The following IL2RA variants were observed in gnomAD, a reference collection of about 807,000 sequenced individuals.
IL2RA encodes the protein interleukin-2 receptor subunit alpha.
A neutral mutation model predicts 37.8 loss-of-function variants in IL2RA; 24 were observed. The observed-to-expected ratio is 0.63, with a 90% CI of 0.46 to 0.89. The LOEUF (loss-of-function observed/expected upper bound fraction) is 0.89, where lower values mean the gene tolerates loss of function less well. Among genes scored for constraint, IL2RA ranks in the 40% least tolerant of loss-of-function variants. The pLI, the probability that IL2RA is intolerant of heterozygous loss-of-function variation, is 0.00. For synonymous variants in IL2RA, 125 were observed against 114.6 expected, an observed-to-expected ratio of 1.09 and a Z score of -0.58; for missense variants, 319 against 348.6, an observed-to-expected ratio of 0.92 and a Z score of 0.68.
In IL2RA at chr10:6,012,583, T is replaced by C. The variant is rs1309423645; in HGVS notation, c.*289A>G. On this transcript the variant is annotated 3_prime_UTR_variant, in exon 8 of 8. Transcript: ENST00000379959. The surrounding 1 kb of genome is among the most constrained non-coding windows in gnomAD (Gnocchi z 4.8). ...CCATTCATGCTTTAATGAACACATA[T>C]ACATGAAAATAAGATGGAGAGTTCT... 3 of 541,226 alleles carry C rather than the reference T, an allele frequency of 5.5e-6. No individual in the cohort carries two copies. The highest frequency in any genetic ancestry group is 3.2e-5 in the East Asian group (1 of 31,100). The allele number at this position is 541,226 out of a possible 1,614,324, so 33.5% of individuals were successfully genotyped here. A position where few individuals can be genotyped will look rare whatever the true frequency, so the allele number is the denominator to read the frequency against.
At position 6,022,374 on chromosome 10, in the gene IL2RA, A is replaced by G. The variant is rs1420825475; in HGVS notation, c.368-681T>C. Among the ~76,000 whole-genome samples, 1 of 152,156 alleles carries G rather than the reference A, an allele frequency of 6.6e-6. No individual in the cohort carries two copies. Among genetic ancestry groups the G allele is most frequent in the Non-Finnish European group, 1.5e-5 (1 of 68,026 alleles). On this transcript the variant is annotated intron_variant, in intron 3 of 7. Coordinates refer to ENST00000379959, the MANE Select transcript of IL2RA (RefSeq NM_000417.3). The surrounding 1 kb of genome is among the most constrained non-coding windows in gnomAD (Gnocchi z 4.7). The stretch of plus-strand genomic sequence containing the variant: ...ATCCCCAGAACTTTCCACTCACCCA[A>G]CTACATCCCAGGCCTGACGGACCTG...
chr10:6,017,163 GA>G (rs1169041447), intron 7 of IL2RA: 1 of 152,334 alleles, frequency 6.6e-6, no homozygotes, highest in Non-Finnish European at 1.5e-5. Context: ...TGGTATTTTA[GA>G]AGACTGTCTC....
intron 1 of IL2RA, among the ~76,000 whole-genome samples, chr10:6,051,121 C>G (rs529626956): frequency 6.6e-6 from 1 of 151,558 alleles, no homozygotes; most frequent in African/African-American, 2.4e-5. Context: ...TTCTCCTTTA[C>G]AAAAGTTCTT....
intron 1 of IL2RA, among the ~76,000 whole-genome samples, chr10:6,055,418 CTTTTTT>C (rs573415550): frequency 1.9e-4 from 1 of 5,184 alleles, no homozygotes; most frequent in African/African-American, 3.1e-4. Flanking sequence ...TTGGCCATCA[CTTTTTT>C]TTTTTTTTTT....
At chr10:6,026,241 C>G (rs1339997142) in intron 1 of IL2RA, among the ~76,000 whole-genome samples, 1 of 152,176 alleles carries the variant, frequency 6.6e-6, no homozygotes, top group African/African-American at 2.4e-5. Context: ...AAGCTCCTCT[C>G]CAAAGCACAA....
intron 7 of IL2RA, among the ~76,000 whole-genome samples, chr10:6,016,457 C>G (rs12240985): frequency 0.072 from 11,023 of 152,292 alleles, 820 homozygotes; most frequent in African/African-American, 0.19. Flanking sequence ...CACCACTGAA[C>G]TGTACATTTT....
rs777604758 is a variant in IL2RA at position 6,035,096 on chromosome 10, G to A, written c.65-9071C>T. On this transcript the variant is annotated intron_variant, in intron 1 of 7. Transcript: ENST00000379959. The surrounding 1 kb of genome is among the most constrained non-coding windows in gnomAD (Gnocchi z 5.4). ...AATTGGGGCTCCCCACCCTGCACTA[G>A]GGTCTCACACAAAGGGGTTGGCACA... 6.6e-6 allele frequency among the ~76,000 whole-genome samples: 1 copy of A among 152,152 alleles called. No homozygotes were observed. The highest frequency in any genetic ancestry group is 1.5e-5 in the Non-Finnish European group (1 of 68,024).
At chr10:6,019,155 C>T (rs1278427513) in intron 6 of IL2RA, among the ~76,000 whole-genome samples, 1 of 151,946 alleles carries the variant, frequency 6.6e-6, no homozygotes, top group African/African-American at 2.4e-5. Context: ...AACCAACTAA[C>T]CCACCAACCT....
intron 1 of IL2RA, among the ~76,000 whole-genome samples, chr10:6,032,779 T>C (rs1004513810): frequency 2.0e-5 from 3 of 151,502 alleles, no homozygotes; most frequent in Admixed American, 2.0e-4. Flanking sequence ...CAAATACTTG[T>C]GTCCAGAATA....
Position 6,028,760 on chromosome 10 carries a change from C to A in IL2RA, c.65-2735G>T, listed in dbSNP as rs544969781. Among the ~76,000 whole-genome samples the A allele has an allele frequency of 1.3e-5, 2 of 152,172 alleles. No individual in the cohort carries two copies. Among genetic ancestry groups the A allele is most frequent in the African/African-American group, 4.8e-5 (2 of 41,528 alleles). On this transcript the variant is annotated intron_variant, in intron 1 of 7. Coordinates refer to ENST00000379959, the MANE Select transcript of IL2RA (RefSeq NM_000417.3). This position sits in a 1 kb window ranked among gnomAD's most constrained non-coding sequence, Gnocchi z 4.1. ...TGCCTGTAATCCCAGCACTTTGGGG[C>A]GACAAGGCAGGCGGATCATCTGAGG...
chr10:6,025,462 C>T lies in IL2RA; in HGVS notation c.256+372G>A, dbSNP rs1407664781. Among the ~76,000 whole-genome samples the T allele has an allele frequency of 6.6e-6, 1 of 151,702 alleles. No homozygotes were observed. The highest frequency in any genetic ancestry group is 1.5e-5 in the Non-Finnish European group (1 of 67,970). On this transcript the variant is annotated intron_variant, in intron 2 of 7. Coordinates refer to ENST00000379959, the MANE Select transcript of IL2RA (RefSeq NM_000417.3). The surrounding 1 kb of genome is among the most constrained non-coding windows in gnomAD (Gnocchi z 4.4). ...CTCAAGGTCAGGAGTTTGAGACCAG[C>T]CTGGCCAACATGGTGAAACCCCATC...
Position 6,035,936 on chromosome 10 carries a change from C to T in IL2RA, c.65-9911G>A, listed in dbSNP as rs1053818194. The T allele has an allele frequency of 6.6e-6, 1 of 152,256 alleles. No individual in the cohort carries two copies. The highest frequency in any genetic ancestry group is 2.4e-5 in the African/African-American group (1 of 41,460). 9.4% of individuals were successfully genotyped at this position (152,256 alleles called of 1,614,324 possible). ...ATCTTTCCTTGTGGATTTGTTGCCT[C>T]TAGGAGTTCTGTATGCAGCTGAAGG... On this transcript the variant is annotated intron_variant, in intron 1 of 7. Transcript: ENST00000379959. This position sits in a 1 kb window ranked among gnomAD's most constrained non-coding sequence, Gnocchi z 5.4.
intron 7 of IL2RA, among the ~76,000 whole-genome samples, chr10:6,013,835 T>TA (rs1269581096): frequency 6.7e-6 from 1 of 148,634 alleles, no homozygotes. Context: ...TATTTTAATT[T>TA]TTTTTTTTTT....
rs1347897999 is a variant in IL2RA, at chr10:6,054,361, TGTG to T, written c.64+7724_64+7726del. On this transcript the variant is annotated intron_variant, in intron 1 of 7. Coordinates refer to ENST00000379959, the MANE Select transcript of IL2RA (RefSeq NM_000417.3). The surrounding 1 kb of genome is among the most constrained non-coding windows in gnomAD (Gnocchi z 4.5). ...ACTCTTTGGCTGCCATCCAGGGTCATGTGGTGCTGGTGATAAGTGATCAGTGAC... is the reference window on the plus strand; with the variant it reads ...ACTCTTTGGCTGCCATCCAGGGTCATGTGCTGGTGATAAGTGATCAGTGAC... Among the ~76,000 whole-genome samples, 1 of 152,112 alleles carries T rather than the reference TGTG, an allele frequency of 6.6e-6. No individual in the cohort carries two copies. Among genetic ancestry groups the T allele is most frequent in the Non-Finnish European group, 1.5e-5 (1 of 68,014 alleles).
rs999704468 is a variant in IL2RA, at chr10:6,056,527, G to A, written c.64+5561C>T. Among the ~76,000 whole-genome samples, 4 of 152,096 alleles carry A rather than the reference G, an allele frequency of 2.6e-5. No individual in the cohort carries two copies. Among genetic ancestry groups the A allele is most frequent in the Non-Finnish European group, 5.9e-5 (4 of 68,028 alleles). On this transcript the variant is annotated intron_variant, in intron 1 of 7. Coordinates refer to ENST00000379959, the MANE Select transcript of IL2RA (RefSeq NM_000417.3). The surrounding 1 kb of genome is among the most constrained non-coding windows in gnomAD (Gnocchi z 5.0). ...AGCACTTTGGAAGGCCCATGCAGAT[G>A]GATGGCTTGAGGCTCGGAGTTCAAG...
chr10:6,031,497 T>TATATATATATATATATATATATATATAC (rs1839588602), intron 1 of IL2RA, among the ~76,000 whole-genome samples: 1 of 72,100 alleles, frequency 1.4e-5, no homozygotes, highest in Non-Finnish European at 2.8e-5. Flanking sequence ...TATATATGTA[T>TATATATATATATATATATATATATATAC]ATATATATAT....
rs1002475467 is a variant in IL2RA at position 6,042,214 on chromosome 10, G to T, written c.65-16189C>A. Among the ~76,000 whole-genome samples, 5 of 133,490 alleles carry T rather than the reference G, an allele frequency of 3.7e-5. No homozygotes were observed. In the Admixed American group the frequency reaches 4.3e-4, roughly 12 times the overall value. 87.6% of individuals were successfully genotyped at this position (133,490 alleles called of 152,430 possible). ...TCCCAGCAATAGTGAATGGTTTAAC[G>T]TTAGAAAATCTCTCAATGTACTTAA... On this transcript the variant is annotated intron_variant, in intron 1 of 7. Transcript: ENST00000379959.
At chr10:6,041,271 C>T (rs1407140889) in intron 1 of IL2RA, among the ~76,000 whole-genome samples, 9 of 152,016 alleles carry the variant, frequency 5.9e-5, no homozygotes, top group Non-Finnish European at 8.8e-5. Flanking sequence ...CCCACGATCA[C>T]GCCCAGCTAA....
chr10:6,041,116 C>CTTTT (rs34852465), intron 1 of IL2RA, among the ~76,000 whole-genome samples: 5 of 126,492 alleles, frequency 4.0e-5, no homozygotes, highest in Admixed American at 8.2e-5. Flanking sequence ...TGAGTTAATT[C>CTTTT]TTTTTTTTTT....
Sources: allele counts gnomAD v4.1 joint callset (sites outside exome capture counted in the v4.1 genomes callset), GRCh38; gene constraint gnomAD v4.1.1; non-coding constraint Gnocchi (gnomAD v3.1); transcripts MANE v1.5; gene names NCBI Gene and HGNC (gene_info 2026-07-23, HGNC 2026-07-21).